Variants in ARID1B observed in about 807,000 individuals in gnomAD.
ARID1B encodes AT-rich interaction domain 1B.
ARID1B carries 30 observed loss-of-function variants against 212.3 expected under a neutral mutation model. The observed-to-expected ratio is 0.14, with a 90% CI of 0.11 to 0.19. ARID1B has a LOEUF of 0.19. Ranked by LOEUF, ARID1B falls within the 10% of genes least tolerant of loss-of-function variation. The pLI, the probability that ARID1B is intolerant of heterozygous loss-of-function variation, is 1.00. For missense variants in ARID1B, 2,891 were observed against 3,204.0 expected (o/e 0.90, Z 2.36); for synonymous variants, 1,402 against 1,301.7 (o/e 1.08, Z -1.66).
At chr6:156,883,065 T>G (rs772570380) in intron 2 of ARID1B, among the ~76,000 whole-genome samples, 4 of 152,200 alleles carry the variant, frequency 2.6e-5, no homozygotes, top group Non-Finnish European at 5.9e-5. Context: ...AGGTTTCTTC[T>G]GGCCTCCCTG....
At chr6:156,876,544 C>T (rs1206816328) in intron 2 of ARID1B, among the ~76,000 whole-genome samples, 1 of 152,172 alleles carries the variant, frequency 6.6e-6, no homozygotes, top group African/African-American at 2.4e-5. Flanking sequence ...CCCAGTCCAC[C>T]GTTTGCCCCC....
intron 15 of ARID1B, chr6:157,193,723 G>A (rs1793538874): frequency 6.6e-6 from 1 of 152,220 alleles, no homozygotes; most frequent in Non-Finnish European, 1.5e-5. Flanking sequence ...CACTCCAAGA[G>A]GACAGGTCCC....
Position 156,987,269 on chromosome 6 carries a change from G to C in ARID1B, c.2247+51693G>C, listed in dbSNP as rs115335391. ...GGTCACCTGTTTTTCTTCCATTCTA[G>C]AGAGATAATTACAGCTAATATTTCT... On this transcript the variant is annotated intron_variant, in intron 4 of 19. Coordinates refer to ENST00000636930, the MANE Select transcript of ARID1B (RefSeq NM_001374828.1). Among the ~76,000 whole-genome samples the C allele has an allele frequency of 8.4e-3, 1,277 of 151,560 alleles. 23 individuals carry two copies. Among genetic ancestry groups the C allele is most frequent in the African/African-American group, 0.03 (1,232 of 41,338 alleles).
intron 4 of ARID1B, among the ~76,000 whole-genome samples, chr6:157,062,691 A>AAT (rs796199000): frequency 0.023 from 3,330 of 142,706 alleles, 122 homozygotes; most frequent in African/African-American, 0.075. Flanking sequence ...TATGTTTTAA[A>AAT]ATATATATAT....
Position 156,777,836 on chromosome 6 carries a change from G to A in ARID1B, c.156G>A (p.Ala52=). The part of the protein sequence containing the change: ...AGARGAAAAA[A]APGPMLGGGG... ...CGCGCGGCGCGGCGGCGGCGGCGGC[G>A]GCACCGGGACCCATGCTGGGGGGCG... The change falls in exon 1 of 20, where the codon GCG becomes GCA. Residue 52 remains alanine (A), a synonymous_variant. Transcript: ENST00000636930. 1 of 1,156,762 alleles carries A rather than the reference G, an allele frequency of 8.6e-7. No individual in the cohort carries two copies. The highest frequency in any genetic ancestry group is 4.3e-5 in the South Asian group (1 of 23,488). The allele number at this position is 1,156,762 out of a possible 1,614,324, so 71.7% of individuals were successfully genotyped here. A position where few individuals can be genotyped will look rare whatever the true frequency, so the allele number is the denominator to read the frequency against.
chr6:156,849,278 T>C (rs865966466), intron 2 of ARID1B, among the ~76,000 whole-genome samples: 31 of 152,226 alleles, frequency 2.0e-4, no homozygotes, highest in Admixed American at 2.6e-4. Context: ...TTGTCTCCCT[T>C]CCTTCATGCC....
intron 15 of ARID1B, chr6:157,194,330 T>C (rs1583488172): frequency 6.6e-6 from 1 of 152,210 alleles, no homozygotes; most frequent in African/African-American, 2.4e-5. Context: ...ATCAAATAGA[T>C]AAAACAGGTG....
chr6:157,087,429 C>T (rs766233009), intron 5 of ARID1B, among the ~76,000 whole-genome samples: 61 of 152,150 alleles, frequency 4.0e-4, no homozygotes, highest in Admixed American at 1.6e-3. Flanking sequence ...CCTCTCTGTG[C>T]CTCAGTTTCT....
chr6:156,958,776 C>G (rs932123695), intron 4 of ARID1B, among the ~76,000 whole-genome samples: 1 of 151,922 alleles, frequency 6.6e-6, no homozygotes, highest in Non-Finnish European at 1.5e-5. Context: ...AAAAAAAGCT[C>G]TATTAAAACC....
At chr6:156,950,635 G>GT (rs1228480912) in intron 4 of ARID1B, among the ~76,000 whole-genome samples, 8 of 152,068 alleles carry the variant, frequency 5.3e-5, no homozygotes, top group Non-Finnish European at 1.0e-4. Context: ...AGTTGTCCTG[G>GT]TTTTTTAGCG....
At chr6:156,930,477 T>C (rs549629623) in intron 3 of ARID1B, among the ~76,000 whole-genome samples, 8 of 152,242 alleles carry the variant, frequency 5.3e-5, no homozygotes, top group Non-Finnish European at 8.8e-5. Flanking sequence ...TTATAAATTA[T>C]GCAGTCTTAG....
chr6:157,149,241 G>A, intron 8 of ARID1B: 1 of 391,134 alleles, frequency 2.6e-6, no homozygotes. Context: ...AACCAGATCT[G>A]GTTGCACAGG....
chr6:157,157,004 C>G (rs1009606032), intron 8 of ARID1B, among the ~76,000 whole-genome samples: 1 of 152,158 alleles, frequency 6.6e-6, no homozygotes, highest in African/African-American at 2.4e-5. Context: ...TTCCTAAATG[C>G]TTTGTCTTGA....
intron 2 of ARID1B, among the ~76,000 whole-genome samples, chr6:156,880,748 A>AG: frequency 1.1e-5 from 1 of 94,728 alleles, no homozygotes; most frequent in East Asian, 2.2e-4. Flanking sequence ...TCAAAAAAAA[A>AG]AAAAAAAAAA....
At chr6:156,901,708 A>G in intron 3 of ARID1B, 183 bp downstream of exon 3, 1 of 791,026 alleles carries the variant, frequency 1.3e-6, no homozygotes, top group East Asian at 2.7e-5. Context: ...CCCTTTTGAG[A>G]TTGGAGGGTG....
chr6:157,050,632 G>A (rs1259848884), intron 4 of ARID1B, among the ~76,000 whole-genome samples: 1 of 152,178 alleles, frequency 6.6e-6, no homozygotes, highest in Non-Finnish European at 1.5e-5. Flanking sequence ...TCTTTATCAT[G>A]TAGACACTTA....
chr6:156,928,403 C>T (rs1313588809), intron 3 of ARID1B, among the ~76,000 whole-genome samples: 2 of 152,262 alleles, frequency 1.3e-5, no homozygotes, highest in East Asian at 1.9e-4. Context: ...TGGGGTGGCT[C>T]TGAGCAATCT....
intron 4 of ARID1B, among the ~76,000 whole-genome samples, chr6:156,997,885 A>G (rs1778689059): frequency 6.6e-6 from 1 of 152,234 alleles, no homozygotes; most frequent in Non-Finnish European, 1.5e-5. Flanking sequence ...GCATAAAGAC[A>G]TCATTATCCC....
intron 4 of ARID1B, among the ~76,000 whole-genome samples, chr6:156,946,638 G>A (rs1793175657): frequency 6.6e-6 from 1 of 152,148 alleles, no homozygotes; most frequent in African/African-American, 2.4e-5. Flanking sequence ...TGTTAGCTCA[G>A]CGATGCTGTG....
Sources: allele counts gnomAD v4.1 joint callset (sites outside exome capture counted in the v4.1 genomes callset), GRCh38; gene constraint gnomAD v4.1.1; transcripts MANE v1.5; gene names NCBI Gene and HGNC (gene_info 2026-07-23, HGNC 2026-07-21).